Variants in MYO3A observed in about 807,000 individuals in gnomAD.
The protein encoded by MYO3A is myosin IIIA.
A neutral mutation model predicts 192.7 loss-of-function variants in MYO3A; 180 were observed. The observed-to-expected ratio is 0.93, with a 90% CI of 0.83 to 1.06. The LOEUF is 1.06. MYO3A is among the 50% of genes least tolerant of loss of function. The pLI is 0.00. For missense variants in MYO3A, 1,896 were observed against 1,905.0 expected (o/e 1.00, Z 0.09); for synonymous variants, 628 against 645.3 (o/e 0.97, Z 0.41).
rs1193338522 is a variant in MYO3A at position 26,108,623 on chromosome 10, T to C, written c.1776+11941T>C. ...TAACTTTAGTTCCATGATCATCTGC[T>C]TGCCAAAAGTAATATTTGTAAAGAT... On this transcript the variant is annotated intron_variant, in intron 17 of 34. Transcript: ENST00000642920. 7.2e-5 allele frequency among the ~76,000 whole-genome samples: 11 copies of C among 152,186 alleles called. 1 individual carries two copies. Among genetic ancestry groups the C allele is most frequent in the Admixed American group, 6.5e-4 (10 of 15,276 alleles).
chr10:26,103,170 G>A (rs1004276947), intron 17 of MYO3A, among the ~76,000 whole-genome samples: 1 of 152,242 alleles, frequency 6.6e-6, no homozygotes, highest in Non-Finnish European at 1.5e-5. Flanking sequence ...GGCTCTGTGG[G>A]CATGGAACCC....
chr10:26,101,607 C>T (rs1285892144), intron 17 of MYO3A, among the ~76,000 whole-genome samples: 2 of 152,172 alleles, frequency 1.3e-5, no homozygotes, highest in African/African-American at 4.8e-5. Context: ...GACAAAATCT[C>T]TCAGCATTTG....
At chr10:26,096,747 C>T in intron 17 of MYO3A, 65 bp downstream of exon 17, 1 of 1,138,388 alleles carries the variant, frequency 8.8e-7, no homozygotes, top group African/African-American at 1.5e-5. Flanking sequence ...ATGTTAAGAG[C>T]ATTTATTGAG....
At chr10:26,169,019 A>G in intron 28 of MYO3A, 145 bp downstream of exon 28, 1 of 749,808 alleles carries the variant, frequency 1.3e-6, no homozygotes, top group Non-Finnish European at 2.1e-6. Flanking sequence ...AATCTAAGTC[A>G]AATTGTTTTA....
At chr10:26,001,684 T>C (rs552100080) in intron 6 of MYO3A, among the ~76,000 whole-genome samples, 4 of 152,202 alleles carry the variant, frequency 2.6e-5, no homozygotes, top group African/African-American at 9.6e-5. Context: ...ACACAAGGTC[T>C]TAAAAGAAGG....
rs1839647337 is a variant in MYO3A, at chr10:25,986,277, T to A, written c.304-10213T>A. Among the ~76,000 whole-genome samples the A allele has an allele frequency of 2.6e-5, 4 of 152,128 alleles. No individual in the cohort carries two copies. In the South Asian group the frequency reaches 8.3e-4, roughly 32 times the overall value. Reference sequence around the variant, plus strand: ...CTGAACAGGGAAAAGTTGAAAGCATTCCCCCTGAGAACTGAAACAAGACAG... The same window carrying A: ...CTGAACAGGGAAAAGTTGAAAGCATACCCCCTGAGAACTGAAACAAGACAG... On this transcript the variant is annotated intron_variant, in intron 4 of 34. Coordinates refer to ENST00000642920, the MANE Select transcript of MYO3A (RefSeq NM_017433.5).
chr10:26,165,080 A>G (rs955268357), intron 26 of MYO3A, among the ~76,000 whole-genome samples: 3 of 152,198 alleles, frequency 2.0e-5, no homozygotes, highest in Non-Finnish European at 4.4e-5. Context: ...TTGCAGATTT[A>G]ATGAGGTGAA....
At chr10:26,047,008 G>A (rs2131261260) in intron 10 of MYO3A, among the ~76,000 whole-genome samples, 1 of 152,242 alleles carries the variant, frequency 6.6e-6, no homozygotes, top group Admixed American at 6.5e-5. Context: ...TAATGTAAAT[G>A]TTTCCAATGA....
chr10:26,122,884 G>A (rs1355912622), intron 18 of MYO3A, among the ~76,000 whole-genome samples: 2 of 152,138 alleles, frequency 1.3e-5, no homozygotes, highest in African/African-American at 2.4e-5. Flanking sequence ...ATAAATGTAT[G>A]TCAAATAAAT....
At chr10:26,032,052 C>T (rs540265844) in intron 10 of MYO3A, among the ~76,000 whole-genome samples, 1 of 152,120 alleles carries the variant, frequency 6.6e-6, no homozygotes, top group Non-Finnish European at 1.5e-5. Context: ...ACTTGATGCT[C>T]TCAATATGCC....
chr10:26,205,712 G>A (rs1843898380), intron 34 of MYO3A, among the ~76,000 whole-genome samples: 1 of 145,416 alleles, frequency 6.9e-6, no homozygotes, highest in Non-Finnish European at 1.5e-5. Flanking sequence ...CGCCTCCTGG[G>A]TTCATGCCAT....
intron 4 of MYO3A, among the ~76,000 whole-genome samples, chr10:25,975,634 G>A (rs372841687): frequency 1.3e-5 from 2 of 152,120 alleles, no homozygotes; most frequent in South Asian, 2.1e-4. Context: ...AATTGAGTCT[G>A]ACATTCCACA....
At chr10:26,145,578 T>C in intron 22 of MYO3A, 44 bp downstream of exon 22, 1 of 1,370,362 alleles carries the variant, frequency 7.3e-7, no homozygotes, top group Non-Finnish European at 1.0e-6. Flanking sequence ...CCTTAGCCTT[T>C]TAATGAATAA....
chr10:26,051,665 C>T (rs368425505), intron 10 of MYO3A, among the ~76,000 whole-genome samples: 5 of 151,016 alleles, frequency 3.3e-5, no homozygotes, highest in African/African-American at 4.8e-5. Flanking sequence ...TGATTGATAG[C>T]GGCTTGCCAT....
At chr10:26,158,378 G>A (rs1265775587) in intron 26 of MYO3A, among the ~76,000 whole-genome samples, 2 of 151,452 alleles carry the variant, frequency 1.3e-5, no homozygotes, top group Non-Finnish European at 2.9e-5. Context: ...TCAGCCTCCC[G>A]ACTAGCTGGG....
chr10:26,150,098 A>C (rs1840712512), intron 23 of MYO3A, among the ~76,000 whole-genome samples: 1 of 151,894 alleles, frequency 6.6e-6, no homozygotes, highest in Non-Finnish European at 1.5e-5. Flanking sequence ...ATTGATGGAC[A>C]CCTGGGTTGA....
intron 26 of MYO3A, among the ~76,000 whole-genome samples, chr10:26,159,746 T>C (rs1048581203): frequency 1.3e-5 from 2 of 152,200 alleles, no homozygotes; most frequent in Non-Finnish European, 2.9e-5. Flanking sequence ...AAAACTCTAC[T>C]ACCTTTTTCA....
chr10:26,020,147 A>G (rs953453218), intron 7 of MYO3A, among the ~76,000 whole-genome samples: 8 of 152,332 alleles, frequency 5.3e-5, no homozygotes, highest in Non-Finnish European at 1.0e-4. Flanking sequence ...TTATTTGCCC[A>G]TAAACTCGCC....
chr10:26,139,284 T>C (rs1267975807), intron 20 of MYO3A, among the ~76,000 whole-genome samples: 1 of 152,096 alleles, frequency 6.6e-6, no homozygotes, highest in Non-Finnish European at 1.5e-5. Flanking sequence ...TTGCCCAGGC[T>C]GGAGTGCAAT....
Sources: gnomAD v4.1 joint callset for allele counts (sites outside exome capture counted in the v4.1 genomes callset) on GRCh38, gnomAD v4.1.1 for gene constraint, MANE v1.5 for transcripts, NCBI Gene and HGNC (gene_info 2026-07-23, HGNC 2026-07-21) for gene names.